DGKB: variants seen among roughly 807,000 people sequenced by gnomAD.
The protein encoded by DGKB is diacylglycerol kinase beta.
In DGKB, 67 loss-of-function variants were observed where a neutral mutation model predicts 114.3. The ratio of observed to expected loss-of-function variants is 0.59; its 90% CI spans 0.48 to 0.72. The LOEUF (loss-of-function observed/expected upper bound fraction) is 0.72, where lower values mean the gene tolerates loss of function less well. Ranked by LOEUF, DGKB falls within the 30% of genes least tolerant of loss-of-function variation. DGKB has a pLI of 0.00. For synonymous variants in DGKB, 398 were observed against 323.1 expected (o/e 1.23, Z -2.49); for missense variants, 907 against 975.2 (o/e 0.93, Z 0.93).
intron 1 of DGKB, among the ~76,000 whole-genome samples, chr7:14,899,495 A>G (rs746841161): frequency 3.3e-5 from 5 of 152,152 alleles, no homozygotes; most frequent in Non-Finnish European, 7.4e-5. Flanking sequence ...GTCCCTCAGG[A>G]CAAAGAGTGT....
chr7:14,411,871 T>C (rs1266169046), intron 21 of DGKB, among the ~76,000 whole-genome samples: 1 of 152,238 alleles, frequency 6.6e-6, no homozygotes, highest in East Asian at 1.9e-4. Flanking sequence ...ATTGGTTTAA[T>C]ACATTATGTC....
chr7:14,548,749 C>A (rs1420512510), intron 20 of DGKB, among the ~76,000 whole-genome samples: 2 of 151,980 alleles, frequency 1.3e-5, no homozygotes, highest in Non-Finnish European at 2.9e-5. Flanking sequence ...GAAATCAAGA[C>A]TGGAAGCAGA....
chr7:14,292,001 A>G (rs951690498), intron 23 of DGKB, among the ~76,000 whole-genome samples: 1 of 152,130 alleles, frequency 6.6e-6, no homozygotes, highest in Non-Finnish European at 1.5e-5. Flanking sequence ...TTTTCACAAA[A>G]AAGGCACAAT....
chr7:14,342,985 G>T (rs1811858651), intron 22 of DGKB, among the ~76,000 whole-genome samples: 1 of 151,748 alleles, frequency 6.6e-6, no homozygotes, highest in Admixed American at 6.6e-5. Context: ...ACCATAGTAG[G>T]TATAATTTTA....
rs561161199 is a variant in DGKB at position 14,365,740 on chromosome 7, CAA to C, written c.1836-20351_1836-20350del. 1.9e-3 allele frequency among the ~76,000 whole-genome samples: 283 copies of C among 152,086 alleles called. 1 individual carries two copies. The highest frequency in any genetic ancestry group is 6.6e-3 in the African/African-American group (276 of 41,522). ...TTTCCATGAATGCAGAAATCTTAGT[CAA>C]GTGTTAATAAGCCTTTTATTTTCAT... On this transcript the variant is annotated intron_variant, in intron 21 of 25. Transcript: ENST00000402815.
intron 1 of DGKB, among the ~76,000 whole-genome samples, chr7:14,958,102 T>C (rs1786618081): frequency 6.6e-6 from 1 of 152,066 alleles, no homozygotes; most frequent in Admixed American, 6.6e-5. Context: ...ATTGTTCTTA[T>C]TCAAACAATT....
At chr7:14,347,577 T>C (rs1812693541) in intron 21 of DGKB, among the ~76,000 whole-genome samples, 1 of 151,808 alleles carries the variant, frequency 6.6e-6, no homozygotes, top group Non-Finnish European at 1.5e-5. Context: ...GTCAAATACA[T>C]AGAAGCAAAG....
chr7:14,587,080 G>A (rs1017069960), intron 17 of DGKB, among the ~76,000 whole-genome samples: 1 of 152,014 alleles, frequency 6.6e-6, no homozygotes, highest in African/African-American at 2.4e-5. Flanking sequence ...TTCATTTTGG[G>A]GATCTGGGCA....
chr7:14,729,082 T>TGCC (rs1214282462), intron 5 of DGKB, among the ~76,000 whole-genome samples: 1 of 151,600 alleles, frequency 6.6e-6, no homozygotes, highest in Admixed American at 6.6e-5. Context: ...TCTGTATGTC[T>TGCC]GCCTCTCCCC....
At chr7:14,258,581 C>A (rs996739846) in intron 23 of DGKB, among the ~76,000 whole-genome samples, 2 of 152,058 alleles carry the variant, frequency 1.3e-5, no homozygotes, top group African/African-American at 4.8e-5. Flanking sequence ...TGGAAGAGAA[C>A]AAGAATTGCT....
intron 23 of DGKB, among the ~76,000 whole-genome samples, chr7:14,199,804 C>T (rs1222890639): frequency 1.3e-5 from 2 of 151,898 alleles, no homozygotes; most frequent in African/African-American, 2.4e-5. Context: ...GTAGTGACAA[C>T]GAAGTATACA....
Position 14,522,015 on chromosome 7 carries a change from T to A in DGKB, c.1771-43790A>T, listed in dbSNP as rs539457474. ...TGCAGACCTCTTCTACTTTTGCTTT[T>A]TCTTATTCTTTATTTTTAAGCTTTG... On this transcript the variant is annotated intron_variant, in intron 20 of 25. Transcript: ENST00000402815. Among the ~76,000 whole-genome samples, 64 of 152,288 alleles carry A rather than the reference T, an allele frequency of 4.2e-4. No individual in the cohort carries two copies. The South Asian group carries it at 0.013, about 32-fold the overall frequency.
In DGKB at chr7:14,699,129, G is replaced by GAA. The variant is rs5882453; in HGVS notation, c.517-962_517-961dup. On this transcript the variant is annotated intron_variant, in intron 7 of 25. Transcript: ENST00000402815. ...ATGAAAGCTATACTCCCTCTCTCCA[G>GAA]AAAAAAAAAATATAATTATGAATAT... Among the ~76,000 whole-genome samples, 471 of 149,370 alleles carry GAA rather than the reference G, an allele frequency of 3.2e-3. 2 individuals carry two copies. Among genetic ancestry groups the GAA allele is most frequent in the African/African-American group, 7.1e-3 (291 of 40,830 alleles).
intron 20 of DGKB, among the ~76,000 whole-genome samples, chr7:14,481,231 A>G (rs942467102): frequency 6.6e-6 from 1 of 151,822 alleles, no homozygotes; most frequent in Non-Finnish European, 1.5e-5. Context: ...TCTGAAATGT[A>G]TTTTTCCTTT....
intron 25 of DGKB, among the ~76,000 whole-genome samples, chr7:14,171,295 A>G (rs931849515): frequency 2.6e-5 from 4 of 152,144 alleles, no homozygotes; most frequent in Non-Finnish European, 4.4e-5. Flanking sequence ...TCATTTCACT[A>G]TTTAATGTAT....
At chr7:14,738,004 C>G (rs1484711282) in intron 4 of DGKB, among the ~76,000 whole-genome samples, 1 of 151,974 alleles carries the variant, frequency 6.6e-6, no homozygotes, top group Non-Finnish European at 1.5e-5. Context: ...AGGAGAAGTA[C>G]TTCCAAAAAA....
intron 23 of DGKB, among the ~76,000 whole-genome samples, chr7:14,322,714 T>G (rs998565601): frequency 4.6e-5 from 7 of 152,130 alleles, no homozygotes; most frequent in African/African-American, 1.4e-4. Context: ...GAACAAAAGA[T>G]TCTAGTTCCT....
At chr7:14,623,971 T>C (rs1425605665) in intron 14 of DGKB, among the ~76,000 whole-genome samples, 2 of 152,152 alleles carry the variant, frequency 1.3e-5, no homozygotes, top group Non-Finnish European at 2.9e-5. Flanking sequence ...TGTGTAAGGT[T>C]TAATATAAAA....
chr7:14,689,018 A>G (rs1340191071), intron 9 of DGKB, among the ~76,000 whole-genome samples: 1 of 151,970 alleles, frequency 6.6e-6, no homozygotes, highest in African/African-American at 2.4e-5. Flanking sequence ...CCTAACCCAC[A>G]TGCTTCTCTC....
Sources: allele counts gnomAD v4.1 joint callset (sites outside exome capture counted in the v4.1 genomes callset), GRCh38; gene constraint gnomAD v4.1.1; transcripts MANE v1.5; gene names NCBI Gene and HGNC (gene_info 2026-07-23, HGNC 2026-07-21).